PRKCE: variants seen among roughly 807,000 people sequenced by gnomAD.
The protein encoded by PRKCE is protein kinase C epsilon, also known as protein kinase C epsilon type.
In PRKCE, 16 loss-of-function variants were observed where a neutral mutation model predicts 85.4. That is an observed-to-expected ratio of 0.19 (90% CI 0.13 to 0.28). The LOEUF is 0.28. Among genes scored for constraint, PRKCE ranks in the 10% least tolerant of loss-of-function variants. PRKCE has a pLI of 1.00. For synonymous variants in PRKCE, 388 were observed against 371.5 expected, an observed-to-expected ratio of 1.04 and a Z score of -0.51; for missense variants, 573 against 975.2, an observed-to-expected ratio of 0.59 and a Z score of 5.49.
intron 2 of PRKCE, among the ~76,000 whole-genome samples, chr2:45,899,384 C>CT (rs1028345493): frequency 0.021 from 2,933 of 142,776 alleles, 114 homozygotes; most frequent in African/African-American, 0.068. Context: ...AATTTTTTTT[C>CT]TTTTTTTTTT....
chr2:46,079,761 T>G (rs1668897351), intron 10 of PRKCE, among the ~76,000 whole-genome samples: 1 of 152,230 alleles, frequency 6.6e-6, no homozygotes, highest in Admixed American at 6.5e-5. Flanking sequence ...GAGAAGCCTC[T>G]GGCTATCCGT....
chr2:46,182,177 C>A (rs572142905), intron 14 of PRKCE, among the ~76,000 whole-genome samples: 11 of 152,132 alleles, frequency 7.2e-5, no homozygotes, highest in Admixed American at 2.0e-4. Context: ...CACAGCCTAC[C>A]CAGCCCGCTC....
chr2:45,698,365 TG>T, intron 1 of PRKCE, among the ~76,000 whole-genome samples: 1 of 152,008 alleles, frequency 6.6e-6, no homozygotes, highest in Non-Finnish European at 1.5e-5. Context: ...AATTTCCAGT[TG>T]GGGGTGAAAG....
At chr2:46,042,480 G>A (rs1243711847) in intron 10 of PRKCE, among the ~76,000 whole-genome samples, 2 of 152,212 alleles carry the variant, frequency 1.3e-5, no homozygotes, top group East Asian at 3.8e-4. Flanking sequence ...TTTCAATCAG[G>A]ACTAGCCACA....
intron 2 of PRKCE, among the ~76,000 whole-genome samples, chr2:45,946,876 C>CAT (rs1700278435): frequency 6.6e-6 from 1 of 152,212 alleles, no homozygotes; most frequent in South Asian, 2.1e-4. Flanking sequence ...ATTAACTGTG[C>CAT]ATATGTAAAG....
At chr2:45,827,099 T>TCTCTGACC (rs1207280037) in intron 1 of PRKCE, among the ~76,000 whole-genome samples, 14 of 152,166 alleles carry the variant, frequency 9.2e-5, no homozygotes, top group Non-Finnish European at 1.5e-4. Context: ...AGGCCCTGGC[T>TCTCTGACC]CTCTGACCTC....
chr2:46,027,205 C>T (rs1048316731), intron 10 of PRKCE, among the ~76,000 whole-genome samples: 4 of 152,070 alleles, frequency 2.6e-5, no homozygotes, highest in Admixed American at 2.0e-4. Context: ...GATGGTGGCA[C>T]ACACCTGTAG....
chr2:46,177,627 A>G (rs534921452), intron 14 of PRKCE, among the ~76,000 whole-genome samples: 22 of 152,146 alleles, frequency 1.4e-4, no homozygotes, highest in Non-Finnish European at 2.6e-4. Context: ...ATCAGGGCCC[A>G]CTCTAATGAC....
chr2:46,045,931 TCTTAA>T (rs1708496886), intron 10 of PRKCE, among the ~76,000 whole-genome samples: 1 of 151,318 alleles, frequency 6.6e-6, no homozygotes, highest in Admixed American at 6.6e-5. Flanking sequence ...AGGCTGTAGG[TCTTAA>T]CTTACAGTGT....
At chr2:46,024,003 A>G (rs1256381903) in intron 10 of PRKCE, among the ~76,000 whole-genome samples, 1 of 152,240 alleles carries the variant, frequency 6.6e-6, no homozygotes, top group East Asian at 1.9e-4. Flanking sequence ...GAGGGATCAT[A>G]CAGCTGGAAG....
intron 10 of PRKCE, among the ~76,000 whole-genome samples, chr2:46,043,449 T>C (rs979550168): frequency 1.3e-5 from 2 of 152,212 alleles, no homozygotes; most frequent in African/African-American, 4.8e-5. Context: ...CCCATTGATA[T>C]CTTTTTAATA....
chr2:46,138,207 C>T lies in PRKCE; in HGVS notation c.1593-6886C>T, dbSNP rs951448790. On this transcript the variant is annotated intron_variant, in intron 11 of 14. Transcript: ENST00000306156. The surrounding 1 kb of genome is among the most constrained non-coding windows in gnomAD (Gnocchi z 4.2). ...CCATCCTGCCTTGAAGTGGGTCTGC[C>T]CTGGTAGAGTCTGTGATCCCTTGTG... Among the ~76,000 whole-genome samples the T allele has an allele frequency of 2.6e-5, 4 of 152,252 alleles. No individual in the cohort carries two copies. The highest frequency in any genetic ancestry group is 2.4e-5 in the African/African-American group (1 of 41,540).
At chr2:46,148,972 A>G (rs2104511369) in intron 12 of PRKCE, among the ~76,000 whole-genome samples, 1 of 152,356 alleles carries the variant, frequency 6.6e-6, no homozygotes, top group South Asian at 2.1e-4. Flanking sequence ...GACCAAAGGT[A>G]TTAGCTAAAC....
intron 10 of PRKCE, among the ~76,000 whole-genome samples, chr2:46,029,565 C>G (rs566589284): frequency 6.6e-6 from 1 of 152,154 alleles, no homozygotes; most frequent in Non-Finnish European, 1.5e-5. Context: ...CCCTCAGTCC[C>G]AGGGTGAGTG....
chr2:46,070,565 C>T (rs1054334007), intron 10 of PRKCE, among the ~76,000 whole-genome samples: 3 of 152,148 alleles, frequency 2.0e-5, no homozygotes, highest in African/African-American at 7.2e-5. Flanking sequence ...ATCGCTTGAA[C>T]CCTGGAGGTG....
chr2:45,825,397 A>T (rs1214439088), intron 1 of PRKCE, among the ~76,000 whole-genome samples: 1 of 152,244 alleles, frequency 6.6e-6, no homozygotes, highest in African/African-American at 2.4e-5. Context: ...GGGGTGGGAC[A>T]CCAAACTGTG....
intron 10 of PRKCE, among the ~76,000 whole-genome samples, chr2:46,016,019 T>C (rs938089611): frequency 1.3e-5 from 2 of 152,176 alleles, no homozygotes; most frequent in Non-Finnish European, 2.9e-5. Context: ...TAATTTGCAA[T>C]GGATTTTAGA....
chr2:45,904,661 C>A (rs899635541), intron 2 of PRKCE, among the ~76,000 whole-genome samples: 1 of 152,082 alleles, frequency 6.6e-6, no homozygotes, highest in Non-Finnish European at 1.5e-5. Flanking sequence ...GGGCTGTGCT[C>A]GGGGATCTCA....
At chr2:45,658,485 G>A (rs552721786) in intron 1 of PRKCE, among the ~76,000 whole-genome samples, 13 of 152,144 alleles carry the variant, frequency 8.5e-5, no homozygotes, top group East Asian at 1.9e-4. Context: ...TCAATGGACC[G>A]CTCTCCCTGG....
Sources: allele counts gnomAD v4.1 joint callset (sites outside exome capture counted in the v4.1 genomes callset), GRCh38; gene constraint gnomAD v4.1.1; non-coding constraint Gnocchi (gnomAD v3.1); transcripts MANE v1.5; gene names NCBI Gene and HGNC (gene_info 2026-07-23, HGNC 2026-07-21).